Variants in TIAM1 observed in about 807,000 individuals in gnomAD.
TIAM1 encodes the protein rho guanine nucleotide exchange factor TIAM1.
TIAM1 carries 65 observed loss-of-function variants against 163.5 expected under a neutral mutation model. The observed-to-expected ratio is 0.40, with a 90% CI of 0.33 to 0.49. The LOEUF (loss-of-function observed/expected upper bound fraction) is 0.49. Ranked by LOEUF, TIAM1 falls within the 20% of genes least tolerant of loss-of-function variation. The probability of loss-of-function intolerance (pLI) is 0.77; values close to 1 mark genes in which losing one functional copy is unlikely to be tolerated. For synonymous variants in TIAM1, 833 were observed against 810.1 expected (o/e 1.03, Z -0.48); for missense variants, 1,789 against 2,044.7 (o/e 0.87, Z 2.41).
At chr21:31,346,586 G>A (rs1002643538), upstream of TIAM1, among the ~76,000 whole-genome samples, 2 of 152,182 alleles carry the variant, frequency 1.3e-5, no homozygotes, top group African/African-American at 4.8e-5. Flanking sequence ...AAGCCGACAT[G>A]GTGTGCAGCG....
intron 1 of TIAM1, among the ~76,000 whole-genome samples, chr21:31,532,252 G>A (rs942255171): frequency 1.3e-5 from 2 of 152,150 alleles, no homozygotes; most frequent in Non-Finnish European, 2.9e-5. Context: ...TTACACAGAA[G>A]CACCTCCTTG....
chr21:31,286,350 G>A (rs1364004775), intron 2 of TIAM1, among the ~76,000 whole-genome samples: 1 of 152,098 alleles, frequency 6.6e-6, no homozygotes, highest in Non-Finnish European at 1.5e-5. Context: ...GACGACTTGG[G>A]CCCAGGAGTT....
At chr21:31,369,578 T>C (rs1434918922) in intron 2 of TIAM1, among the ~76,000 whole-genome samples, 1 of 152,100 alleles carries the variant, frequency 6.6e-6, no homozygotes, top group Non-Finnish European at 1.5e-5. Context: ...GTTCCCAACG[T>C]AAAAAAATAA....
At chr21:31,422,215 A>T (rs1305593339) in intron 2 of TIAM1, among the ~76,000 whole-genome samples, 1 of 152,204 alleles carries the variant, frequency 6.6e-6, no homozygotes, top group Non-Finnish European at 1.5e-5. Context: ...CAAAGTAAAG[A>T]CAAGAAAATC....
In TIAM1 at chr21:31,170,404, C is replaced by T. The variant is rs995869094; in HGVS notation, c.2888-5339G>A. 1.2e-4 allele frequency among the ~76,000 whole-genome samples: 18 copies of T among 152,238 alleles called. No homozygotes were observed. In the South Asian group the frequency reaches 3.3e-3, roughly 28 times the overall value. On this transcript the variant is annotated intron_variant, in intron 15 of 27. Coordinates refer to ENST00000541036, the MANE Select transcript of TIAM1 (RefSeq NM_001353694.2). ...TTATGCAAGTAGGCCACATATTAGG[C>T]CACAGTGTAAATTTCAAGCAATACC...
chr21:31,208,836 G>A (rs529668324), intron 11 of TIAM1, among the ~76,000 whole-genome samples: 2 of 152,258 alleles, frequency 1.3e-5, no homozygotes, highest in African/African-American at 4.8e-5. Flanking sequence ...AGGTACTTGC[G>A]GAGGTAGTGA....
chr21:31,195,808 G>T (rs7282793), intron 12 of TIAM1, among the ~76,000 whole-genome samples: 1 of 151,984 alleles, frequency 6.6e-6, no homozygotes, highest in Non-Finnish European at 1.5e-5. Flanking sequence ...GAACTGTATC[G>T]AAATTAGCTA....
At chr21:31,379,065 G>A (rs772137684) in intron 2 of TIAM1, among the ~76,000 whole-genome samples, 27 of 152,228 alleles carry the variant, frequency 1.8e-4, no homozygotes, top group South Asian at 4.2e-4. Flanking sequence ...TCCATTGCCC[G>A]GGTTCAAGCG....
At chr21:31,263,549 G>A (rs994062511) in intron 4 of TIAM1, among the ~76,000 whole-genome samples, 6 of 152,006 alleles carry the variant, frequency 3.9e-5, no homozygotes, top group African/African-American at 1.5e-4. Flanking sequence ...GACCTAGAGG[G>A]GAGAACTGTC....
At chr21:31,449,970 T>C (rs1162050292) in intron 2 of TIAM1, among the ~76,000 whole-genome samples, 1 of 152,060 alleles carries the variant, frequency 6.6e-6, no homozygotes, top group East Asian at 1.9e-4. Flanking sequence ...GGGACTTCCT[T>C]TGGGCAGCCA....
intron 8 of TIAM1, among the ~76,000 whole-genome samples, chr21:31,219,444 T>C (rs2087419835): frequency 6.6e-6 from 1 of 152,210 alleles, no homozygotes; most frequent in South Asian, 2.1e-4. Context: ...ATGTGACAGA[T>C]GCCAATTGGC....
In TIAM1 at chr21:31,139,024, C is replaced by CA. The variant is rs564564016; in HGVS notation, c.3774+2093dup. Among the ~76,000 whole-genome samples the CA allele has an allele frequency of 4.1e-4, 62 of 152,224 alleles. No individual in the cohort carries two copies. The South Asian group carries it at 0.012, about 30-fold the overall frequency. On this transcript the variant is annotated intron_variant, in intron 22 of 27. Coordinates refer to ENST00000541036, the MANE Select transcript of TIAM1 (RefSeq NM_001353694.2). Reference sequence around the variant, plus strand: ...CATTTCTTTTTACAATCTCAGCCCACAAAAAATACTTTGTATAGCACTATA... The same window carrying CA: ...CATTTCTTTTTACAATCTCAGCCCACAAAAAAATACTTTGTATAGCACTATA...
intron 1 of TIAM1, among the ~76,000 whole-genome samples, chr21:31,544,935 C>T (rs897384378): frequency 5.3e-5 from 8 of 152,092 alleles, no homozygotes; most frequent in South Asian, 2.1e-4. Context: ...ATGGCGTGAA[C>T]CCGGGAGGCG....
At chr21:31,453,195 A>G (rs1215743241) in intron 2 of TIAM1, 9 of 264,206 alleles carry the variant, frequency 3.4e-5, no homozygotes, top group Non-Finnish European at 2.3e-5. Context: ...AAAAACTTAA[A>G]GTTGCCTAGG....
intron 1 of TIAM1, among the ~76,000 whole-genome samples, chr21:31,469,682 A>G (rs1442366608): frequency 1.3e-5 from 2 of 151,782 alleles, no homozygotes; most frequent in African/African-American, 4.8e-5. Flanking sequence ...GTACAAAAAA[A>G]TTAGCCGGGT....
intron 2 of TIAM1, among the ~76,000 whole-genome samples, chr21:31,287,537 G>A (rs2073857344): frequency 6.6e-6 from 1 of 152,152 alleles, no homozygotes; most frequent in Non-Finnish European, 1.5e-5. Context: ...GGTTGAACCT[G>A]GTCCTGACAG....
At chr21:31,502,278 T>A (rs1458732485) in intron 1 of TIAM1, among the ~76,000 whole-genome samples, 1 of 152,292 alleles carries the variant, frequency 6.6e-6, no homozygotes, top group Non-Finnish European at 1.5e-5. Context: ...ATTTGTTTTT[T>A]ATTTATCTTT....
intron 1 of TIAM1, among the ~76,000 whole-genome samples, chr21:31,503,491 GAGAGAA>G (rs1280353778): frequency 3.9e-5 from 4 of 103,860 alleles, no homozygotes; most frequent in South Asian, 8.7e-4. Flanking sequence ...GGGAGGGAAA[GAGAGAA>G]AGAGAAAGAG....
At chr21:31,263,713 C>T (rs995591465) in intron 4 of TIAM1, among the ~76,000 whole-genome samples, 1 of 152,080 alleles carries the variant, frequency 6.6e-6, no homozygotes, top group Admixed American at 6.5e-5. Flanking sequence ...AGCATATGCA[C>T]TAACTGAGCA....
Sources: allele counts gnomAD v4.1 joint callset (sites outside exome capture counted in the v4.1 genomes callset), GRCh38; gene constraint gnomAD v4.1.1; transcripts MANE v1.5; gene names NCBI Gene and HGNC (gene_info 2026-07-23, HGNC 2026-07-21).